Variants in DEPDC1 observed in about 807,000 individuals in gnomAD.
The protein encoded by DEPDC1 is DEP domain-containing protein 1A.
DEPDC1 carries 66 observed loss-of-function variants against 86.8 expected under a neutral mutation model. That is an observed-to-expected ratio of 0.76 (90% CI 0.62 to 0.93). The LOEUF is 0.93. Among genes scored for constraint, DEPDC1 ranks in the 40% least tolerant of loss-of-function variants. The pLI, the probability that DEPDC1 is intolerant of heterozygous loss-of-function variation, is 0.00. For missense variants in DEPDC1, 792 were observed against 935.7 expected (o/e 0.85, Z 2.00); for synonymous variants, 255 against 314.9 (o/e 0.81, Z 2.02).
chr1:68,492,969 C>T (rs1353157115), intron 2 of DEPDC1, among the ~76,000 whole-genome samples: 1 of 152,032 alleles, frequency 6.6e-6, no homozygotes, highest in Admixed American at 6.5e-5. Flanking sequence ...TTCCAGGAGG[C>T]AGATGAAAAA....
rs374393077 is a variant in DEPDC1 at position 68,486,942 on chromosome 1, G to T, written c.764C>A (p.Ala255Glu). ...HWVLSAMKCL[A>E]NWPRSNDMNN... ...CACACATATATTTAACTTACAATTT[G>T]CTAGGCACTTCATGGCAGATAATAC... The change falls in exon 6 of 12, where the codon GCA (alanine) becomes GAA (glutamate). Residue 255 changes from alanine (A) to glutamate (E), a missense_variant. Transcript: ENST00000456315. 2 of 1,594,610 alleles carry T rather than the reference G, an allele frequency of 1.3e-6. No individual in the cohort carries two copies. Among genetic ancestry groups the T allele is most frequent in the Non-Finnish European group, 1.7e-6 (2 of 1,171,792 alleles).
intron 5 of DEPDC1, 44 bp downstream of exon 5, chr1:68,488,330 T>C: frequency 6.5e-7 from 1 of 1,541,922 alleles, no homozygotes; most frequent in Non-Finnish European, 8.7e-7. Flanking sequence ...GCTGCAACCT[T>C]GTTGGCAAGT....
In DEPDC1 at chr1:68,475,302, T is replaced by C. The variant is rs932188885; in HGVS notation, c.*1630A>G. On this transcript the variant is annotated 3_prime_UTR_variant, in exon 12 of 12. Transcript: ENST00000456315. ...TTATTATTTATATATTTGTCTATAA[T>C]ACAAAAGCAAAATTATATTGTTACA... 2.0e-5 allele frequency: 3 copies of C among 152,018 alleles called. No individual in the cohort carries two copies. The South Asian group carries it at 6.2e-4, about 31-fold the overall frequency. The allele number at this position is 152,018 out of a possible 1,614,324, so 9.4% of individuals were successfully genotyped here.
At position 68,484,036 on chromosome 1, in the gene DEPDC1, A is replaced by G; in HGVS notation, c.824T>C (p.Val275Ala). ...NPTYVGFERD[V>A]FRTIADYFLD... ...AAAATAATCTGCGATTGTTCTGAAT[A>G]CATCTCGTTCAAATCCAACATAAGT... The change falls in exon 7 of 12, where the codon GTA becomes GCA. Residue 275 changes from valine to alanine, a missense_variant. Coordinates refer to ENST00000456315, the MANE Select transcript of DEPDC1 (RefSeq NM_001114120.3). 6.3e-7 allele frequency: 1 copy of G among 1,586,594 alleles called. No homozygotes were observed. The highest frequency in any genetic ancestry group is 1.4e-5 in the African/African-American group (1 of 73,486).
chr1:68,478,700 G>T (rs1646133344), intron 10 of DEPDC1, among the ~76,000 whole-genome samples: 2 of 151,764 alleles, frequency 1.3e-5, no homozygotes, highest in African/African-American at 4.8e-5. Context: ...TTCACCTTTT[G>T]TGAAGAATAA....
In DEPDC1 at chr1:68,496,855, C is replaced by A. The variant is rs1646269334; in HGVS notation, c.48+97G>T. On this transcript the variant is annotated intron_variant, in intron 1 of 11. Coordinates refer to ENST00000456315, the MANE Select transcript of DEPDC1 (RefSeq NM_001114120.3). The surrounding 1 kb of genome is among the most constrained non-coding windows in gnomAD (Gnocchi z 4.0). ...CTAGGGATCCTGGGACTCATCCCTC[C>A]GACCGAGGTAAAACTGCGAACGGTC... 4 of 1,274,030 alleles carry A rather than the reference C, an allele frequency of 3.1e-6. No homozygotes were observed. The highest frequency in any genetic ancestry group is 3.7e-5 in the Admixed American group (2 of 54,482). The allele number at this position is 1,274,030 out of a possible 1,614,324, so 78.9% of individuals were successfully genotyped here.
Position 68,484,076 on chromosome 1 carries a change from C to A in DEPDC1, c.784G>T (p.Asp262Tyr), listed in dbSNP as rs764400057. 4 of 1,569,972 alleles carry A rather than the reference C, an allele frequency of 2.5e-6. No homozygotes were observed. In the East Asian group the frequency reaches 7.0e-5, roughly 27 times the overall value. ...CCAACATAAGTTGGATTATTCATATCATTGCTTCTTGGCCCTAAGAAGTAG... is the reference window on the plus strand; with the variant it reads ...CCAACATAAGTTGGATTATTCATATAATTGCTTCTTGGCCCTAAGAAGTAG... ...KCLANWPRSN[D>Y]MNNPTYVGFE... The change falls in exon 7 of 12, where the codon GAT becomes TAT. Residue 262 changes from aspartate to tyrosine, a missense_variant. By Grantham distance (160) the Asp-to-Tyr change is radical. Transcript: ENST00000456315.
chr1:68,490,279 T>C (rs932905550), intron 2 of DEPDC1, among the ~76,000 whole-genome samples: 10 of 152,230 alleles, frequency 6.6e-5, no homozygotes, highest in Admixed American at 2.0e-4. Flanking sequence ...ACACCTTCCA[T>C]TGTCCAATAG....
At chr1:68,493,132 A>C (rs1344419980) in intron 2 of DEPDC1, among the ~76,000 whole-genome samples, 1 of 152,222 alleles carries the variant, frequency 6.6e-6, no homozygotes, top group Non-Finnish European at 1.5e-5. Flanking sequence ...GATGAGCAGC[A>C]GTAAAGGAGC....
intron 2 of DEPDC1, among the ~76,000 whole-genome samples, chr1:68,491,511 AT>A (rs1245518087): frequency 2.0e-5 from 3 of 152,198 alleles, no homozygotes; most frequent in Admixed American, 2.0e-4. Context: ...AAACAAAAAA[AT>A]AACAGGTGCT....
chr1:68,492,464 T>C (rs1225947395), intron 2 of DEPDC1, among the ~76,000 whole-genome samples: 1 of 152,078 alleles, frequency 6.6e-6, no homozygotes, highest in Non-Finnish European at 1.5e-5. Context: ...CCCAGCACTT[T>C]GGAAGGTCAA....
At chr1:68,491,920 A>ATTT (rs1227155636) in intron 2 of DEPDC1, among the ~76,000 whole-genome samples, 1 of 138,940 alleles carries the variant, frequency 7.2e-6, no homozygotes, top group Non-Finnish European at 1.6e-5. Flanking sequence ...TGGCTAATTA[A>ATTT]TTTTTTTTTT....
In DEPDC1 at chr1:68,482,226, G is replaced by A; in HGVS notation, c.1582C>T (p.Pro528Ser). ...GGTTTCATGATAATTTCAGCCACTG[G>A]TGTATTGATATAACTATTCCTTCTT... is the stretch of plus-strand genomic sequence containing the variant. ...STRRNSYINT[P>S]VAEIIMKPNV... Residue 528 changes from proline to serine, a missense_variant, in exon 8 of 12, where the codon CCA becomes TCA. By Grantham distance (74) the Pro-to-Ser change is moderately conservative (BLOSUM62 -1). Transcript: ENST00000456315. 6.2e-7 allele frequency: 1 copy of A among 1,612,922 alleles called. No individual in the cohort carries two copies. The highest frequency in any genetic ancestry group is 8.5e-7 in the Non-Finnish European group (1 of 1,179,262).
Position 68,481,990 on chromosome 1 carries a change from CAG to C in DEPDC1, c.1762+54_1762+55del, listed in dbSNP as rs1476252621. On this transcript the variant is annotated intron_variant, in intron 8 of 11. Coordinates refer to ENST00000456315, the MANE Select transcript of DEPDC1 (RefSeq NM_001114120.3). ...GAAGAAAAGCCAGGTAAGCAAAACA[CAG>C]AGTTAGTAAACACTCAAAGTTAATA... The C allele has an allele frequency of 2.7e-5, 40 of 1,468,530 alleles. 1 individual carries two copies. In the Admixed American group the frequency reaches 3.1e-4, roughly 11 times the overall value. 91.0% of individuals were successfully genotyped at this position (1,468,530 alleles called of 1,614,324 possible).
intron 2 of DEPDC1, among the ~76,000 whole-genome samples, chr1:68,493,155 C>A (rs1158803760): frequency 1.3e-5 from 2 of 152,156 alleles, no homozygotes; most frequent in African/African-American, 4.8e-5. Context: ...ACAAAGATAA[C>A]TGGGGAGTAG....
At chr1:68,482,018 T>C (rs1033755616) in intron 8 of DEPDC1, 28 bp downstream of exon 8, 3 of 1,534,546 alleles carry the variant, frequency 2.0e-6, no homozygotes, top group South Asian at 1.3e-5. Flanking sequence ...AAAGTTAATA[T>C]TGCATGCATT....
intron 11 of DEPDC1, 100 bp downstream of exon 11, chr1:68,477,686 TA>T: frequency 1.2e-6 from 1 of 817,500 alleles, no homozygotes; most frequent in Non-Finnish European, 1.8e-6. Context: ...ACTTAAAATC[TA>T]AAATATTAAA....
intron 5 of DEPDC1, among the ~76,000 whole-genome samples, chr1:68,487,249 C>T (rs111900050): frequency 6.6e-6 from 1 of 152,010 alleles, no homozygotes; most frequent in African/African-American, 2.4e-5. Context: ...TTAAATACTG[C>T]CAAATTGAGG....
chr1:68,493,435 C>T (rs368631391), intron 2 of DEPDC1, among the ~76,000 whole-genome samples: 78 of 152,010 alleles, frequency 5.1e-4, no homozygotes, highest in African/African-American at 1.8e-3. Context: ...AAAAGCTCCA[C>T]AGAAGAGGCT....
Sources: gnomAD v4.1 joint callset for allele counts (sites outside exome capture counted in the v4.1 genomes callset) on GRCh38, gnomAD v4.1.1 for gene constraint, Gnocchi (gnomAD v3.1) non-coding constraint, MANE v1.5 for transcripts, NCBI Gene and HGNC (gene_info 2026-07-23, HGNC 2026-07-21) for gene names.